The following KIAA0319L variants were observed in gnomAD, a reference collection of about 807,000 sequenced individuals.
KIAA0319L encodes dyslexia-associated protein KIAA0319-like protein.
A neutral mutation model predicts 120.1 loss-of-function variants in KIAA0319L; 55 were observed. That is an observed-to-expected ratio of 0.46 (90% confidence interval 0.37 to 0.57). The LOEUF (loss-of-function observed/expected upper bound fraction) is 0.57, where lower values mean the gene tolerates loss of function less well. Among genes scored for constraint, KIAA0319L ranks in the 20% least tolerant of loss-of-function variants. The pLI is 0.00. For synonymous variants in KIAA0319L, 398 were observed against 471.9 expected, an observed-to-expected ratio of 0.84 and a Z score of 2.03; for missense variants, 1,049 against 1,255.3, an observed-to-expected ratio of 0.84 and a Z score of 2.48.
chr1:35,549,003 A>T (rs1157225503), intron 2 of KIAA0319L, among the ~76,000 whole-genome samples: 1 of 151,974 alleles, frequency 6.6e-6, no homozygotes, highest in African/African-American at 2.4e-5. Flanking sequence ...TTTGCCTCCA[A>T]GCTAAATGCT....
At chr1:35,441,423 C>A (rs569774120) in intron 19 of KIAA0319L, among the ~76,000 whole-genome samples, 2 of 152,190 alleles carry the variant, frequency 1.3e-5, no homozygotes, top group South Asian at 4.2e-4. Flanking sequence ...AAAACAAAAT[C>A]CTCTGCTTGA....
At chr1:35,474,703 A>G in intron 5 of KIAA0319L, 102 bp downstream of exon 5, 1 of 657,250 alleles carries the variant, frequency 1.5e-6, no homozygotes, top group Non-Finnish European at 2.7e-6. Context: ...AGGTGGGAGG[A>G]TCTCCTGAGC....
chr1:35,495,881 C>T (rs13373756), intron 3 of KIAA0319L, among the ~76,000 whole-genome samples: 5,338 of 122,114 alleles, frequency 0.044, 373 homozygotes, highest in African/African-American at 0.17. Context: ...AAAAAAAAAA[C>T]ATGAATGGCA....
rs780786421 is a variant in KIAA0319L at position 35,450,398 on chromosome 1, C to T, written c.2174G>A (p.Ser725Asn). The T allele has an allele frequency of 5.0e-6, 8 of 1,614,014 alleles. No individual in the cohort carries two copies. The highest frequency in any genetic ancestry group is 6.8e-6 in the Non-Finnish European group (8 of 1,180,000). Reference sequence around the variant, plus strand: ...CCCCTCATCTCGAGTCCAGAGGTAGCTGACTATTCCCTTGTCATCTGAGGA... The same window carrying T: ...CCCCTCATCTCGAGTCCAGAGGTAGTTGACTATTCCCTTGTCATCTGAGGA... ...SKSSDDKGIV[S>N]YLWTRDEGSP... The change falls in exon 14 of 21, where the codon AGC (serine) becomes AAC (asparagine). Residue 725 changes from serine to asparagine, a missense_variant. Coordinates refer to ENST00000325722, the MANE Select transcript of KIAA0319L (RefSeq NM_024874.5).
chr1:35,554,655 T>C, intron 1 of KIAA0319L, 136 bp from the exon 2 acceptor site: 1 of 515,114 alleles, frequency 1.9e-6, no homozygotes, highest in Non-Finnish European at 3.3e-6. Flanking sequence ...CAACCCTGCC[T>C]ATAAATTTTA....
At chr1:35,444,822 C>A (rs1255842463) in intron 16 of KIAA0319L, among the ~76,000 whole-genome samples, 1 of 152,138 alleles carries the variant, frequency 6.6e-6, no homozygotes, top group African/African-American at 2.4e-5. Context: ...ATAGCCAAAA[C>A]AATTATGATG....
intron 3 of KIAA0319L, among the ~76,000 whole-genome samples, chr1:35,496,666 G>A (rs116006015): frequency 1.5e-3 from 230 of 152,236 alleles, no homozygotes; most frequent in African/African-American, 5.3e-3. Context: ...ACTAGGTGCT[G>A]GGTACAGTGG....
chr1:35,523,169 C>T (rs1242265842), intron 2 of KIAA0319L, among the ~76,000 whole-genome samples: 7 of 152,034 alleles, frequency 4.6e-5, no homozygotes, highest in Non-Finnish European at 4.4e-5. Context: ...CTTTACTGTG[C>T]CTTTGACATG....
intron 2 of KIAA0319L, among the ~76,000 whole-genome samples, chr1:35,512,205 T>C (rs1212454525): frequency 6.7e-6 from 1 of 148,286 alleles, no homozygotes; most frequent in Non-Finnish European, 1.5e-5. Context: ...GGAGGGGGAG[T>C]TGCAGTGAGC....
chr1:35,555,463 A>C (rs150534768), intron 1 of KIAA0319L, among the ~76,000 whole-genome samples: 108 of 152,290 alleles, frequency 7.1e-4, no homozygotes, highest in African/African-American at 2.5e-3. Flanking sequence ...ACAGCTGCAA[A>C]ACTAAGGTGC....
chr1:35,537,141 T>C (rs1327464234), intron 2 of KIAA0319L, among the ~76,000 whole-genome samples: 3 of 152,306 alleles, frequency 2.0e-5, no homozygotes, highest in Non-Finnish European at 2.9e-5. Context: ...AAAGAAAGAA[T>C]TGTTTTTCTA....
At chr1:35,457,870 C>G (rs10493068) in intron 9 of KIAA0319L, among the ~76,000 whole-genome samples, 7,936 of 152,236 alleles carry the variant, frequency 0.052, 441 homozygotes, top group East Asian at 0.25. Flanking sequence ...ATCTGAAAAA[C>G]AAAAATTTAC....
chr1:35,444,301 G>A lies in KIAA0319L; in HGVS notation c.2516C>T (p.Thr839Ile). ...GTTTTGAACAAAAAATACCATTTTG[G>A]TGCTGCAGAGACATGCAACAGTACT... ...QKIQPYTEQS[T>I]KMVFFVQNEP... is the part of the protein sequence containing the mutation. Residue 839 changes from threonine (T) to isoleucine (I), a missense_variant and splice_region_variant, in exon 17 of 21, where the codon ACC becomes ATC. Physicochemically the swap from Thr to Ile is moderately conservative, Grantham distance 89 (BLOSUM62 -1). Transcript: ENST00000325722. 3 of 1,604,470 alleles carry A rather than the reference G, an allele frequency of 1.9e-6. No homozygotes were observed. Among genetic ancestry groups the A allele is most frequent in the Non-Finnish European group, 2.6e-6 (3 of 1,176,116 alleles).
At chr1:35,507,684 C>T (rs1645258532) in intron 2 of KIAA0319L, among the ~76,000 whole-genome samples, 1 of 152,200 alleles carries the variant, frequency 6.6e-6, no homozygotes, top group South Asian at 2.1e-4. Context: ...TTAATAGGCA[C>T]ATTCATTCTT....
At chr1:35,544,728 AAAC>A (rs1288141812) in intron 2 of KIAA0319L, among the ~76,000 whole-genome samples, 3 of 152,258 alleles carry the variant, frequency 2.0e-5, no homozygotes, top group Non-Finnish European at 4.4e-5. Context: ...ACAGATACAT[AAAC>A]AACTAATTAA....
chr1:35,485,727 G>A (rs1436758629), intron 3 of KIAA0319L, among the ~76,000 whole-genome samples: 1 of 152,184 alleles, frequency 6.6e-6, no homozygotes, highest in Non-Finnish European at 1.5e-5. Flanking sequence ...CTTTTAGTTG[G>A]CAAAGCTGTG....
chr1:35,505,266 T>C (rs1645165839), intron 3 of KIAA0319L, among the ~76,000 whole-genome samples: 1 of 152,236 alleles, frequency 6.6e-6, no homozygotes, highest in Non-Finnish European at 1.5e-5. Context: ...TCCAGCTTAG[T>C]ATAGTACCTC....
chr1:35,466,857 G>A (rs1246474037), intron 6 of KIAA0319L, among the ~76,000 whole-genome samples, 162 bp from the exon 7 acceptor site: 1 of 152,132 alleles, frequency 6.6e-6, no homozygotes, highest in African/African-American at 2.4e-5. Flanking sequence ...CAATTTGGGA[G>A]GAGGCGGGTG....
At chr1:35,483,865 C>G (rs1644266467) in intron 3 of KIAA0319L, among the ~76,000 whole-genome samples, 1 of 152,146 alleles carries the variant, frequency 6.6e-6, no homozygotes, top group Admixed American at 6.5e-5. Context: ...CTCTGAAGGC[C>G]CTAGAGGAGA....
Sources: allele counts gnomAD v4.1 joint callset (sites outside exome capture counted in the v4.1 genomes callset), GRCh38; gene constraint gnomAD v4.1.1; transcripts MANE v1.5; gene names NCBI Gene and HGNC (gene_info 2026-07-23, HGNC 2026-07-21).